Variants in PDE4D observed in about 807,000 individuals in gnomAD.
PDE4D encodes phosphodiesterase 4D.
PDE4D carries 24 observed loss-of-function variants against 87.4 expected under a neutral mutation model. That is an observed-to-expected ratio of 0.27 (90% CI 0.20 to 0.39). The LOEUF (loss-of-function observed/expected upper bound fraction) is 0.39. Among genes scored for constraint, PDE4D ranks in the 10% least tolerant of loss-of-function variants. The probability of loss-of-function intolerance (pLI) is 1.00; values close to 1 mark genes in which losing one functional copy is unlikely to be tolerated. For missense variants in PDE4D, 714 were observed against 1,041.0 expected (o/e 0.69, Z 4.32); for synonymous variants, 384 against 383.2 (o/e 1.00, Z -0.02).
intron 1 of PDE4D, among the ~76,000 whole-genome samples, chr5:59,304,864 G>A (rs535937291): frequency 6.6e-6 from 1 of 151,822 alleles, no homozygotes; most frequent in Admixed American, 6.6e-5. Context: ...TTTCTTTTTT[G>A]GTTATGTCCT....
chr5:59,466,557 C>G (rs1339757729), intron 1 of PDE4D, among the ~76,000 whole-genome samples: 3 of 152,210 alleles, frequency 2.0e-5, no homozygotes, highest in African/African-American at 7.2e-5. Context: ...CATTTGACCA[C>G]TGCCTGACTC....
intron 1 of PDE4D, among the ~76,000 whole-genome samples, chr5:60,239,667 A>T (rs1407470459): frequency 6.6e-6 from 1 of 152,068 alleles, no homozygotes; most frequent in Non-Finnish European, 1.5e-5. Flanking sequence ...TAGATTTATT[A>T]CTACATGTTT....
chr5:59,725,775 C>G (rs913052426), intron 1 of PDE4D, among the ~76,000 whole-genome samples: 12 of 152,134 alleles, frequency 7.9e-5, no homozygotes, highest in South Asian at 2.1e-4. Context: ...AATTTGAAAT[C>G]CTAAGGGCTT....
intron 1 of PDE4D, among the ~76,000 whole-genome samples, chr5:60,484,186 A>AT (rs1184396107): frequency 1.4e-5 from 2 of 146,192 alleles, no homozygotes; most frequent in Admixed American, 6.9e-5. Flanking sequence ...CAAGACAGGA[A>AT]TTAAAAAAAA....
chr5:59,829,247 G>T (rs1687914442), intron 1 of PDE4D, among the ~76,000 whole-genome samples: 2 of 151,846 alleles, frequency 1.3e-5, no homozygotes, highest in African/African-American at 4.8e-5. Flanking sequence ...GCACACATTA[G>T]AATAGATACT....
chr5:59,698,911 A>G (rs1370909814), intron 1 of PDE4D, among the ~76,000 whole-genome samples: 1 of 152,170 alleles, frequency 6.6e-6, no homozygotes, highest in Non-Finnish European at 1.5e-5. Context: ...GCAGTTGCCT[A>G]ATTTCCCTGA....
intron 1 of PDE4D, among the ~76,000 whole-genome samples, chr5:59,351,502 G>A (rs35275): frequency 1.3e-5 from 2 of 151,982 alleles, no homozygotes; most frequent in Admixed American, 6.6e-5. Flanking sequence ...TTGACCTCTC[G>A]AGCTCAGAGA....
chr5:60,338,883 G>A (rs1342770587), intron 1 of PDE4D, among the ~76,000 whole-genome samples: 2 of 152,104 alleles, frequency 1.3e-5, no homozygotes, highest in African/African-American at 4.8e-5. Context: ...GGCTCTATAC[G>A]ACAGTCCCCC....
chr5:60,406,809 C>T (rs1583652594), intron 1 of PDE4D, among the ~76,000 whole-genome samples: 1 of 152,006 alleles, frequency 6.6e-6, no homozygotes, highest in Non-Finnish European at 1.5e-5. Flanking sequence ...AATAGGACCA[C>T]GTGGCACAAT....
chr5:60,242,933 G>A (rs886961252), intron 1 of PDE4D, among the ~76,000 whole-genome samples: 3 of 151,540 alleles, frequency 2.0e-5, no homozygotes, highest in Non-Finnish European at 4.4e-5. Flanking sequence ...ACTAGGAAAG[G>A]AAAGCAAGAG....
chr5:60,372,150 T>TGACA (rs879491417), intron 1 of PDE4D, among the ~76,000 whole-genome samples: 7,416 of 152,242 alleles, frequency 0.049, 245 homozygotes, highest in Non-Finnish European at 0.07. Flanking sequence ...GTCTTTTTTA[T>TGACA]TTTAGCCATC....
intron 1 of PDE4D, among the ~76,000 whole-genome samples, chr5:59,892,039 C>T (rs1420430328): frequency 6.6e-6 from 1 of 152,100 alleles, no homozygotes; most frequent in Non-Finnish European, 1.5e-5. Flanking sequence ...ATTAGATGTG[C>T]CAAGGATCAG....
chr5:59,925,603 T>G (rs552623142), intron 3 of PDE4D, among the ~76,000 whole-genome samples: 84 of 152,198 alleles, frequency 5.5e-4, no homozygotes, highest in African/African-American at 1.9e-3. Context: ...GACCCAACAA[T>G]CTGTTGCCTA....
At chr5:60,416,378 C>G (rs1742559759) in intron 1 of PDE4D, among the ~76,000 whole-genome samples, 1 of 152,194 alleles carries the variant, frequency 6.6e-6, no homozygotes, top group South Asian at 2.1e-4. Context: ...TGCAATAAAT[C>G]TTGCTGCTGC....
At chr5:60,186,705 T>C (rs1443102793) in intron 1 of PDE4D, among the ~76,000 whole-genome samples, 1 of 152,192 alleles carries the variant, frequency 6.6e-6, no homozygotes, top group East Asian at 1.9e-4. Context: ...AAAAAACATG[T>C]GTCTGAGACT....
chr5:58,970,208 A>T lies in PDE4D; in HGVS notation c.*4456T>A, dbSNP rs1742375212. 1 of 152,166 alleles carries T rather than the reference A, an allele frequency of 6.6e-6. No homozygotes were observed. Among genetic ancestry groups the T allele is most frequent in the Non-Finnish European group, 1.5e-5 (1 of 68,020 alleles). 9.4% of individuals were successfully genotyped at this position (152,166 alleles called of 1,614,324 possible). A position where few individuals can be genotyped will look rare whatever the true frequency, so the allele number is the denominator to read the frequency against. On this transcript the variant is annotated 3_prime_UTR_variant, in exon 15 of 15. Coordinates refer to ENST00000340635, the MANE Select transcript of PDE4D (RefSeq NM_001104631.2). ...AAGAATAATCATTTGTAATTCTCAC[A>T]CACAATTTACCACTCTGAAAATATA...
intron 1 of PDE4D, among the ~76,000 whole-genome samples, chr5:59,795,434 C>T (rs58783599): frequency 6.6e-6 from 1 of 152,172 alleles, no homozygotes; most frequent in Non-Finnish European, 1.5e-5. Context: ...CACTTAATCT[C>T]TGCGGCAAAT....
At chr5:60,078,561 C>G (rs1002210063) in intron 2 of PDE4D, among the ~76,000 whole-genome samples, 20 of 152,162 alleles carry the variant, frequency 1.3e-4, no homozygotes, top group Non-Finnish European at 1.5e-5. Context: ...AGAACAGGCC[C>G]TGGTGTGTGT....
intron 2 of PDE4D, among the ~76,000 whole-genome samples, chr5:59,198,844 T>A (rs553749717): frequency 1.3e-5 from 2 of 152,242 alleles, no homozygotes; most frequent in South Asian, 4.1e-4. Flanking sequence ...GAAATCCAAA[T>A]GCCCACACTC....
Sources: allele counts gnomAD v4.1 joint callset (sites outside exome capture counted in the v4.1 genomes callset), GRCh38; gene constraint gnomAD v4.1.1; transcripts MANE v1.5; gene names NCBI Gene and HGNC (gene_info 2026-07-23, HGNC 2026-07-21).